The following MSH3 variants were observed in gnomAD, a reference collection of about 807,000 sequenced individuals.
The protein encoded by MSH3 is mutS homolog 3, also known as DNA mismatch repair protein Msh3.
A neutral mutation model predicts 123.3 loss-of-function variants in MSH3; 106 were observed. The ratio of observed to expected loss-of-function variants is 0.86; its 90% CI spans 0.73 to 1.01. The LOEUF is 1.01. MSH3 is among the 50% of genes least tolerant of loss of function. The pLI is 0.00. For synonymous variants in MSH3, 515 were observed against 481.4 expected (o/e 1.07, Z -0.91); for missense variants, 1,459 against 1,347.6 (o/e 1.08, Z -1.29).
chr5:80,712,997 G>A (rs867628327), intron 8 of MSH3, among the ~76,000 whole-genome samples: 1 of 152,048 alleles, frequency 6.6e-6, no homozygotes, highest in Non-Finnish European at 1.5e-5. Context: ...TGAATTACTC[G>A]GCTTGGAACT....
At chr5:80,655,062 G>A in intron 1 of MSH3, 98 bp downstream of exon 1, 2 of 675,514 alleles carry the variant, frequency 3.0e-6, no homozygotes, top group Non-Finnish European at 4.6e-6. Context: ...CCGATGATAG[G>A]GCTGGAGGAG....
intron 19 of MSH3, among the ~76,000 whole-genome samples, chr5:80,811,705 G>C (rs1745009321): frequency 6.6e-6 from 1 of 152,060 alleles, no homozygotes. Context: ...TTTTACAAAT[G>C]TAATAAATAT....
chr5:80,783,678 T>G (rs1744447800), intron 17 of MSH3, among the ~76,000 whole-genome samples: 1 of 152,068 alleles, frequency 6.6e-6, no homozygotes, highest in Non-Finnish European at 1.5e-5. Context: ...AGTAGCAAAT[T>G]AGAGTCTTGA....
chr5:80,814,656 G>A (rs972927518), intron 20 of MSH3, among the ~76,000 whole-genome samples: 2 of 152,232 alleles, frequency 1.3e-5, no homozygotes, highest in African/African-American at 2.4e-5. Context: ...TGGGGTAGAA[G>A]GCTTGGAGAC....
At chr5:80,689,510 T>C (rs836800) in intron 8 of MSH3, among the ~76,000 whole-genome samples, 38,294 of 152,098 alleles carry the variant, frequency 0.25, 4,937 homozygotes, top group Middle Eastern at 0.33. Context: ...GACTTAAATA[T>C]TTATAAACTG....
chr5:80,761,452 G>A (rs1744030317), intron 12 of MSH3, 94 bp from the exon 13 acceptor site: 4 of 1,457,186 alleles, frequency 2.7e-6, no homozygotes, highest in Non-Finnish European at 3.9e-6. Flanking sequence ...TGCCTAATAA[G>A]TGGCTGTGTC....
rs563681586 is a variant in MSH3, at chr5:80,778,941, C to A, written c.2435+105C>A. 1.1e-5 allele frequency: 8 copies of A among 730,886 alleles called. No homozygotes were observed. In the East Asian group the frequency reaches 1.5e-4, roughly 14 times the overall value. 45.3% of individuals were successfully genotyped at this position (730,886 alleles called of 1,614,324 possible). On this transcript the variant is annotated intron_variant, in intron 17 of 23. Coordinates refer to ENST00000265081, the MANE Select transcript of MSH3 (RefSeq NM_002439.5). ...ATAGAGATTACAGCTCATGACCCAC[C>A]ATAAAATAGTTGAGTACATGTGTTC...
At chr5:80,735,923 TTAAA>T (rs1410144235) in intron 10 of MSH3, among the ~76,000 whole-genome samples, 1 of 151,792 alleles carries the variant, frequency 6.6e-6, no homozygotes, top group Non-Finnish European at 1.5e-5. Context: ...TGGTCACAGA[TTAAA>T]TAAAAATGAC....
chr5:80,732,019 G>A (rs1182964616), intron 10 of MSH3, among the ~76,000 whole-genome samples: 1 of 151,618 alleles, frequency 6.6e-6, no homozygotes, highest in Non-Finnish European at 1.5e-5. Flanking sequence ...TAGAATTTTA[G>A]ATAGTTTGAG....
rs745911924 is a variant in MSH3 at position 80,654,967 on chromosome 5, A to G, written c.237+3A>G. On this transcript the variant is annotated splice_donor_region_variant and intron_variant, in intron 1 of 23. Coordinates refer to ENST00000265081, the MANE Select transcript of MSH3 (RefSeq NM_002439.5). ...CGCCCCAGCTGCCGCCGCACATAGT[A>G]GGTTCTGTCTGGGACTGGGCAGGGC... is the stretch of plus-strand genomic sequence containing the variant. 2.8e-6 allele frequency: 4 copies of G among 1,447,464 alleles called. No individual in the cohort carries two copies. Among genetic ancestry groups the G allele is most frequent in the Non-Finnish European group, 3.6e-6 (4 of 1,099,466 alleles). 89.7% of individuals were successfully genotyped at this position (1,447,464 alleles called of 1,614,324 possible). A position where few individuals can be genotyped will look rare whatever the true frequency, so the allele number is the denominator to read the frequency against.
chr5:80,757,275 AAT>A (rs1218525583), intron 12 of MSH3, among the ~76,000 whole-genome samples: 1 of 152,112 alleles, frequency 6.6e-6, no homozygotes, highest in Non-Finnish European at 1.5e-5. Flanking sequence ...ATGTACAATA[AAT>A]TGTTGGCTGT....
intron 10 of MSH3, among the ~76,000 whole-genome samples, chr5:80,730,307 CAT>C (rs1399625107): frequency 2.6e-5 from 4 of 152,070 alleles, no homozygotes; most frequent in East Asian, 1.9e-4. Flanking sequence ...AAGTTAGAAA[CAT>C]GTGAAATCGT....
intron 8 of MSH3, among the ~76,000 whole-genome samples, chr5:80,705,239 T>C (rs1178979169): frequency 2.6e-5 from 4 of 152,244 alleles, no homozygotes; most frequent in Non-Finnish European, 4.4e-5. Flanking sequence ...CTTATTGCTT[T>C]CATGAAGCTG....
In MSH3 at chr5:80,845,807, C is replaced by A. The variant is rs137945675; in HGVS notation, c.2814-8323C>A. Among the ~76,000 whole-genome samples the A allele has an allele frequency of 5.9e-3, 892 of 152,154 alleles. 7 individuals are homozygous for A. The highest frequency in any genetic ancestry group is 0.048 in the South Asian group (232 of 4,812). ...TATTCTAGTTAGCCATTCATCTAAC[C>A]TTTTTTCAAGGTTTTCAGCTTCCAT... is the stretch of plus-strand genomic sequence containing the variant. On this transcript the variant is annotated intron_variant, in intron 20 of 23. Coordinates refer to ENST00000265081, the MANE Select transcript of MSH3 (RefSeq NM_002439.5).
intron 4 of MSH3, among the ~76,000 whole-genome samples, chr5:80,672,040 C>T (rs774921501): frequency 2.6e-5 from 4 of 152,080 alleles, no homozygotes; most frequent in Non-Finnish European, 5.9e-5. Context: ...GAAGTTAGGT[C>T]ACTGGAACTG....
chr5:80,865,982 G>A (rs1746091359), intron 22 of MSH3, among the ~76,000 whole-genome samples: 1 of 152,164 alleles, frequency 6.6e-6, no homozygotes. Context: ...TTGACAAGAG[G>A]AGACTTAAGC....
chr5:80,736,614 C>T (rs1374233918), intron 10 of MSH3, among the ~76,000 whole-genome samples: 1 of 152,050 alleles, frequency 6.6e-6, no homozygotes, highest in Non-Finnish European at 1.5e-5. Context: ...GCTCACTGTG[C>T]CTTAACTGTT....
chr5:80,725,362 C>CTTTTTTTTTT (rs201653411), intron 8 of MSH3, 91 bp from the exon 9 acceptor site: 1 of 720,544 alleles, frequency 1.4e-6, no homozygotes, highest in Non-Finnish European at 2.3e-6. Flanking sequence ...AAATCTTTAT[C>CTTTTTTTTTT]TTTTTTTTTT....
At chr5:80,717,591 T>C (rs1324951680) in intron 8 of MSH3, among the ~76,000 whole-genome samples, 1 of 152,150 alleles carries the variant, frequency 6.6e-6, no homozygotes, top group Non-Finnish European at 1.5e-5. Flanking sequence ...CTCCATACTA[T>C]TTTCTATAAG....
Sources: allele counts gnomAD v4.1 joint callset (sites outside exome capture counted in the v4.1 genomes callset), GRCh38; gene constraint gnomAD v4.1.1; transcripts MANE v1.5; gene names NCBI Gene and HGNC (gene_info 2026-07-23, HGNC 2026-07-21).